PKIG: variants seen among roughly 807,000 people sequenced by gnomAD.
PKIG encodes cAMP-dependent protein kinase inhibitor gamma, also known as protein kinase (cAMP-dependent, catalytic) inhibitor gamma.
Under a neutral mutation model 6.8 loss-of-function variants are expected in PKIG, and 1 was observed. The ratio of observed to expected loss-of-function variants is 0.15; its 90% confidence interval spans 0.05 to 0.69. The LOEUF is 0.69. Ranked by LOEUF, PKIG falls within the 30% of genes least tolerant of loss-of-function variation. PKIG has a pLI of 0.82. For missense variants in PKIG, 77 were observed against 104.0 expected (o/e 0.74, Z 1.13); for synonymous variants, 39 against 43.0 (o/e 0.91, Z 0.36).
intron 2 of PKIG, chr20:44,598,467 C>T (rs1240262976): frequency 1.3e-5 from 2 of 152,226 alleles, no homozygotes; most frequent in South Asian, 2.1e-4. Flanking sequence ...TCATTCCACA[C>T]TTGAGACTCC....
At chr20:44,541,459 T>G (rs994629411) in intron 1 of PKIG, among the ~76,000 whole-genome samples, 1 of 152,112 alleles carries the variant, frequency 6.6e-6, no homozygotes, top group Admixed American at 6.6e-5. Flanking sequence ...CAGCTAATTT[T>G]AAAATTTTTT....
At chr20:44,595,670 T>C (rs1198647988) in intron 2 of PKIG, among the ~76,000 whole-genome samples, 4 of 152,160 alleles carry the variant, frequency 2.6e-5, no homozygotes, top group African/African-American at 4.8e-5. Flanking sequence ...TGCACCACCA[T>C]GCCCGGCTAA....
At chr20:44,541,753 G>T (rs2064563957) in intron 1 of PKIG, among the ~76,000 whole-genome samples, 1 of 150,328 alleles carries the variant, frequency 6.7e-6, no homozygotes, top group Non-Finnish European at 1.5e-5. Context: ...GAGTGCAATG[G>T]ATCACGGCTC....
chr20:44,564,023 A>G (rs1175781098), intron 1 of PKIG, among the ~76,000 whole-genome samples: 1 of 152,224 alleles, frequency 6.6e-6, no homozygotes, highest in Non-Finnish European at 1.5e-5. Flanking sequence ...ATTTTATATC[A>G]TAGTACTTGG....
At chr20:44,533,487 G>A (rs906943550) in intron 1 of PKIG, among the ~76,000 whole-genome samples, 4 of 152,192 alleles carry the variant, frequency 2.6e-5, no homozygotes, top group African/African-American at 7.2e-5. Context: ...GAAAGGGGGC[G>A]CATGTTAAGA....
chr20:44,539,020 C>T (rs11907483), intron 1 of PKIG, among the ~76,000 whole-genome samples: 14,838 of 151,666 alleles, frequency 0.098, 847 homozygotes, highest in South Asian at 0.12. Flanking sequence ...CCTCTGCCTC[C>T]TGGGTTCAAG....
At chr20:44,607,378 T>TA (rs1491536225) in intron 2 of PKIG, among the ~76,000 whole-genome samples, 295 of 89,924 alleles carry the variant, frequency 3.3e-3, no homozygotes, top group East Asian at 7.8e-3. Flanking sequence ...TATATATATA[T>TA]TTTTTTTTTT....
chr20:44,580,002 CA>C (rs2064933883), upstream of PKIG, among the ~76,000 whole-genome samples: 1 of 152,192 alleles, frequency 6.6e-6, no homozygotes, highest in South Asian at 2.1e-4. Context: ...GGCTTTTGTT[CA>C]TTACTCATCG....
At chr20:44,602,511 TTGAA>T (rs2065129988) in intron 2 of PKIG, among the ~76,000 whole-genome samples, 1 of 152,132 alleles carries the variant, frequency 6.6e-6, no homozygotes, top group Non-Finnish European at 1.5e-5. Context: ...GCTCAGTACA[TTGAA>T]TGAATAAATG....
intron 1 of PKIG, among the ~76,000 whole-genome samples, chr20:44,561,356 G>C (rs1419058821): frequency 6.6e-6 from 1 of 151,904 alleles, no homozygotes; most frequent in Non-Finnish European, 1.5e-5. Flanking sequence ...AAGTCAGTAA[G>C]TAGACACTGT....
intron 3 of PKIG, among the ~76,000 whole-genome samples, chr20:44,615,905 G>A (rs993276935): frequency 6.6e-5 from 10 of 152,162 alleles, no homozygotes; most frequent in African/African-American, 2.2e-4. Context: ...GAATCTGGCC[G>A]GCTTGAGAGA....
At chr20:44,582,983 A>G (rs1203906907) in intron 1 of PKIG, among the ~76,000 whole-genome samples, 1 of 152,260 alleles carries the variant, frequency 6.6e-6, no homozygotes, top group Non-Finnish European at 1.5e-5. Flanking sequence ...GAACTTTGAC[A>G]GAGTATTCAG....
intron 1 of PKIG, among the ~76,000 whole-genome samples, chr20:44,563,702 G>A (rs1002856832): frequency 1.3e-5 from 2 of 151,934 alleles, no homozygotes; most frequent in Non-Finnish European, 2.9e-5. Context: ...GCTAATTTTT[G>A]TATTTTTTTG....
At chr20:44,610,769 G>C (rs2065211273) in intron 2 of PKIG, among the ~76,000 whole-genome samples, 3 of 152,084 alleles carry the variant, frequency 2.0e-5, no homozygotes, top group South Asian at 4.2e-4. Flanking sequence ...ACAGGAACTG[G>C]GTTTTATTTT....
At chr20:44,540,157 C>T (rs1032475034) in intron 1 of PKIG, among the ~76,000 whole-genome samples, 4 of 151,974 alleles carry the variant, frequency 2.6e-5, no homozygotes, top group Non-Finnish European at 5.9e-5. Context: ...GATGGGGTTT[C>T]ACCATGTTGG....
At chr20:44,559,441 T>C (rs2064747549) in intron 1 of PKIG, among the ~76,000 whole-genome samples, 1 of 152,132 alleles carries the variant, frequency 6.6e-6, no homozygotes, top group African/African-American at 2.4e-5. Flanking sequence ...ACAGAAGGGG[T>C]GTCAGACAAG....
upstream of PKIG, among the ~76,000 whole-genome samples, chr20:44,577,589 C>A (rs909052111): frequency 2.0e-5 from 3 of 152,054 alleles, no homozygotes; most frequent in Admixed American, 2.0e-4. Flanking sequence ...TGGAAGAAAA[C>A]AAAATCTACT....
intron 1 of PKIG, among the ~76,000 whole-genome samples, chr20:44,549,359 C>G (rs554674338): frequency 3.0e-4 from 46 of 152,154 alleles, no homozygotes; most frequent in African/African-American, 1.1e-3. Flanking sequence ...CGTTTTTTTC[C>G]CCATATACTG....
intron 2 of PKIG, chr20:44,598,490 G>C (rs1174061428): frequency 6.6e-6 from 1 of 152,176 alleles, no homozygotes; most frequent in Non-Finnish European, 1.5e-5. Context: ...AGGTTTGAGG[G>C]GAAGAGCCTT....
Sources: gnomAD v4.1 joint callset for allele counts (sites outside exome capture counted in the v4.1 genomes callset) on GRCh38, gnomAD v4.1.1 for gene constraint, MANE v1.5 for transcripts, NCBI Gene and HGNC (gene_info 2026-07-23, HGNC 2026-07-21) for gene names.